The following PDGFC variants were observed in gnomAD, a reference collection of about 807,000 sequenced individuals.
PDGFC encodes platelet-derived growth factor C.
In PDGFC, 12 loss-of-function variants were observed where a neutral mutation model predicts 35.5. The ratio of observed to expected loss-of-function variants is 0.34; its 90% confidence interval spans 0.22 to 0.55. The LOEUF (loss-of-function observed/expected upper bound fraction) is 0.55, where lower values mean the gene tolerates loss of function less well. Among genes scored for constraint, PDGFC ranks in the 20% least tolerant of loss-of-function variants. The pLI is 0.91. For missense variants in PDGFC, 322 were observed against 412.4 expected, an observed-to-expected ratio of 0.78 and a Z score of 1.90; for synonymous variants, 159 against 148.8, an observed-to-expected ratio of 1.07 and a Z score of -0.50.
chr4:156,945,257 T>C (rs1259055793), intron 1 of PDGFC, among the ~76,000 whole-genome samples: 1 of 149,628 alleles, frequency 6.7e-6, no homozygotes, highest in Non-Finnish European at 1.5e-5. Context: ...GCTAACTAAA[T>C]AGTTGTTAAA....
chr4:156,774,241 A>C (rs894213404), intron 3 of PDGFC: 7 of 152,170 alleles, frequency 4.6e-5, no homozygotes, highest in Non-Finnish European at 1.0e-4. Context: ...ATTTTGTTCC[A>C]ATCAGTCTAG....
At chr4:156,854,857 A>G (rs543830473) in intron 1 of PDGFC, among the ~76,000 whole-genome samples, 9 of 152,284 alleles carry the variant, frequency 5.9e-5, no homozygotes, top group African/African-American at 1.9e-4. Context: ...AATATTTATC[A>G]CATGATCCTT....
intron 2 of PDGFC, among the ~76,000 whole-genome samples, chr4:156,832,238 C>CTTCT (rs1312097576): frequency 3.3e-4 from 48 of 146,140 alleles, no homozygotes; most frequent in Non-Finnish European, 4.4e-4. Context: ...ATCATGCCAC[C>CTTCT]TTCTTTCTTT....
chr4:156,925,635 A>T lies in PDGFC; in HGVS notation c.118+45151T>A, dbSNP rs562790149. ...TAGATAATTATACAGGTTTGGAATT[A>T]GAGAGAAACATCAGAACTCTAGATA... On this transcript the variant is annotated intron_variant, in intron 1 of 5. Coordinates refer to ENST00000502773, the MANE Select transcript of PDGFC (RefSeq NM_016205.3). Among the ~76,000 whole-genome samples, 18 of 152,260 alleles carry T rather than the reference A, an allele frequency of 1.2e-4. No individual in the cohort carries two copies. In the South Asian group the frequency reaches 3.7e-3, roughly 32 times the overall value.
intron 2 of PDGFC, chr4:156,841,533 A>C (rs1168403544): frequency 6.9e-6 from 1 of 144,714 alleles, no homozygotes; most frequent in Non-Finnish European, 1.5e-5. Context: ...TTTTGACAGG[A>C]TCTAACTCTG....
intron 1 of PDGFC, among the ~76,000 whole-genome samples, chr4:156,905,632 T>G (rs531398552): frequency 6.6e-6 from 1 of 152,126 alleles, no homozygotes; most frequent in South Asian, 2.1e-4. Flanking sequence ...CAACCTGGAG[T>G]AGAAAATATG....
Position 156,762,885 on chromosome 4 carries a change from C to T in PDGFC, c.*205G>A, listed in dbSNP as rs911147800. The T allele has an allele frequency of 2.2e-5, 11 of 498,754 alleles. No homozygotes were observed. The highest frequency in any genetic ancestry group is 4.0e-5 in the Non-Finnish European group (11 of 277,558). The allele number at this position is 498,754 out of a possible 1,614,324, so 30.9% of individuals were successfully genotyped here. A position where few individuals can be genotyped will look rare whatever the true frequency, so the allele number is the denominator to read the frequency against. Reference sequence around the variant, plus strand: ...ACGATTGAAGACCTTTTCTCCTGTCCTTTAGGCCTCCTCTCAAAAGAGCTG... The same window carrying T: ...ACGATTGAAGACCTTTTCTCCTGTCTTTTAGGCCTCCTCTCAAAAGAGCTG... On this transcript the variant is annotated 3_prime_UTR_variant, in exon 6 of 6. Coordinates refer to ENST00000502773, the MANE Select transcript of PDGFC (RefSeq NM_016205.3).
intron 5 of PDGFC, 99 bp downstream of exon 5, chr4:156,767,671 ATAC>A: frequency 1.4e-6 from 1 of 718,860 alleles, no homozygotes; most frequent in Non-Finnish European, 2.4e-6. Flanking sequence ...TTCCCCATGA[ATAC>A]TACGTCTTTT....
chr4:156,928,725 T>G (rs1481097668), intron 1 of PDGFC, among the ~76,000 whole-genome samples: 1 of 152,230 alleles, frequency 6.6e-6, no homozygotes, highest in Non-Finnish European at 1.5e-5. Context: ...GAAATATCCT[T>G]TTATGGTGTT....
intron 1 of PDGFC, among the ~76,000 whole-genome samples, chr4:156,914,200 A>T (rs1001105824): frequency 1.3e-5 from 2 of 152,230 alleles, no homozygotes; most frequent in Non-Finnish European, 2.9e-5. Flanking sequence ...ACAATGCCAA[A>T]TTAGCTCAAA....
chr4:156,780,480 A>C (rs1295468774), intron 3 of PDGFC, among the ~76,000 whole-genome samples: 1 of 152,152 alleles, frequency 6.6e-6, no homozygotes, highest in Non-Finnish European at 1.5e-5. Context: ...AACCACCATT[A>C]AGGGAAATCG....
At chr4:156,840,325 T>A (rs1218650628) in intron 2 of PDGFC, among the ~76,000 whole-genome samples, 3 of 152,190 alleles carry the variant, frequency 2.0e-5, no homozygotes, top group African/African-American at 4.8e-5. Flanking sequence ...GGGGTAAAGG[T>A]ACAGCTCAGG....
chr4:156,833,285 T>C (rs571944288), intron 2 of PDGFC, among the ~76,000 whole-genome samples: 1 of 152,372 alleles, frequency 6.6e-6, no homozygotes, highest in East Asian at 1.9e-4. Flanking sequence ...ACTATGTTAA[T>C]GCTTCTACTG....
At chr4:156,860,014 A>C (rs1004316232) in intron 1 of PDGFC, among the ~76,000 whole-genome samples, 2 of 152,192 alleles carry the variant, frequency 1.3e-5, no homozygotes, top group Non-Finnish European at 2.9e-5. Flanking sequence ...ACAGCTTTCA[A>C]ACTGATCTGA....
intron 2 of PDGFC, among the ~76,000 whole-genome samples, chr4:156,822,725 C>T (rs1732303590): frequency 6.6e-6 from 1 of 151,998 alleles, no homozygotes; most frequent in African/African-American, 2.4e-5. Context: ...GAGCAGAAAC[C>T]TTACTCTAAG....
chr4:156,768,867 C>A (rs941145589), intron 4 of PDGFC, among the ~76,000 whole-genome samples: 1 of 151,926 alleles, frequency 6.6e-6, no homozygotes, highest in African/African-American at 2.4e-5. Context: ...TTTTTAACTA[C>A]AAAATGATTC....
intron 3 of PDGFC, among the ~76,000 whole-genome samples, chr4:156,800,774 AT>A (rs1336582695): frequency 6.6e-6 from 1 of 152,210 alleles, no homozygotes; most frequent in Non-Finnish European, 1.5e-5. Context: ...CTGTGAGAAG[AT>A]TATGACAGTG....
chr4:156,880,667 T>C (rs907371816), intron 1 of PDGFC, among the ~76,000 whole-genome samples: 2 of 152,292 alleles, frequency 1.3e-5, no homozygotes, highest in Non-Finnish European at 2.9e-5. Flanking sequence ...ATTCCTCAGA[T>C]GGATCTCAAA....
chr4:156,842,377 A>C (rs1422957973), intron 2 of PDGFC: 1 of 152,026 alleles, frequency 6.6e-6, no homozygotes, highest in Non-Finnish European at 1.5e-5. Flanking sequence ...AAGCAGAAAA[A>C]AAAAAATTAG....
Sources: gnomAD v4.1 joint callset for allele counts (sites outside exome capture counted in the v4.1 genomes callset) on GRCh38, gnomAD v4.1.1 for gene constraint, MANE v1.5 for transcripts, NCBI Gene and HGNC (gene_info 2026-07-23, HGNC 2026-07-21) for gene names.